NBAS: variants seen among roughly 807,000 people sequenced by gnomAD.
NBAS encodes the protein NAG/BC035112 fusion.
NBAS carries 219 observed loss-of-function variants against 302.5 expected under a neutral mutation model. That is an observed-to-expected ratio of 0.72 (90% CI 0.65 to 0.81). The LOEUF (loss-of-function observed/expected upper bound fraction) is 0.81. NBAS is among the 30% of genes least tolerant of loss of function. The pLI, the probability that NBAS is intolerant of heterozygous loss-of-function variation, is 0.00. For synonymous variants in NBAS, 1,118 were observed against 1,021.6 expected, an observed-to-expected ratio of 1.09 and a Z score of -1.80; for missense variants, 2,932 against 2,841.6, an observed-to-expected ratio of 1.03 and a Z score of -0.72.
the NBAS span, among the ~76,000 whole-genome samples, chr2:14,991,161 G>T: frequency 1.3e-5 from 2 of 152,124 alleles, no homozygotes; most frequent in African/African-American, 4.8e-5. Flanking sequence ...TAGAAGACAT[G>T]CAGGGTCCAA....
At position 15,218,762 on chromosome 2, in the gene NBAS, CA is replaced by C. The variant is rs1381943807; in HGVS notation, c.6432+10del. On this transcript the variant is annotated intron_variant, in intron 48 of 51. Coordinates refer to ENST00000281513, the MANE Select transcript of NBAS (RefSeq NM_015909.4). ...TTAGTAAGAAAAATAATCATTCAGA[CA>C]CTCCCTTACCTGTCTCTGGGGCCAG... The C allele has an allele frequency of 6.2e-7, 1 of 1,614,204 alleles. No individual in the cohort carries two copies. The highest frequency in any genetic ancestry group is 8.5e-7 in the Non-Finnish European group (1 of 1,180,008).
At chr2:15,254,408 A>G (rs1668493757) in intron 44 of NBAS, among the ~76,000 whole-genome samples, 2 of 152,166 alleles carry the variant, frequency 1.3e-5, no homozygotes, top group Admixed American at 6.5e-5. Context: ...CTTTACTGCA[A>G]AGCTGGGGTC....
chr2:15,546,321 G>A (rs931197297), intron 6 of NBAS, among the ~76,000 whole-genome samples: 4 of 151,936 alleles, frequency 2.6e-5, no homozygotes, highest in African/African-American at 9.7e-5. Context: ...TGTGTATTAT[G>A]TTTTCAATAG....
intron 26 of NBAS, among the ~76,000 whole-genome samples, chr2:15,399,321 T>A (rs565480258): frequency 1.3e-5 from 2 of 152,256 alleles, no homozygotes; most frequent in Admixed American, 1.3e-4. Flanking sequence ...ACTCCAGCTC[T>A]CGGAGGAACC....
chr2:15,316,939 C>A (rs971605140), intron 38 of NBAS, among the ~76,000 whole-genome samples: 1 of 152,182 alleles, frequency 6.6e-6, no homozygotes, highest in African/African-American at 2.4e-5. Context: ...GGTCCCTGAC[C>A]CCGTGTAGCC....
the NBAS span, among the ~76,000 whole-genome samples, chr2:14,835,892 T>C: frequency 6.4e-4 from 97 of 152,114 alleles, no homozygotes; most frequent in African/African-American, 2.1e-3. Flanking sequence ...AATGTCTAAG[T>C]ATATTCTAAA....
chr2:15,140,604 C>T, the NBAS span, among the ~76,000 whole-genome samples: 392 of 152,228 alleles, frequency 2.6e-3, 3 homozygotes, highest in African/African-American at 8.9e-3. Context: ...TAAAGGAATG[C>T]TATTCAAACA....
chr2:15,481,290 T>C (rs1225708614), intron 12 of NBAS, among the ~76,000 whole-genome samples: 1 of 152,216 alleles, frequency 6.6e-6, no homozygotes, highest in Non-Finnish European at 1.5e-5. Context: ...TATGAATATG[T>C]AGGTGCATGT....
At chr2:14,995,102 C>T in the NBAS span, among the ~76,000 whole-genome samples, 2 of 152,084 alleles carry the variant, frequency 1.3e-5, no homozygotes, top group East Asian at 3.9e-4. Context: ...GGTACATGTG[C>T]ACAACGTGCC....
the NBAS span, among the ~76,000 whole-genome samples, chr2:14,887,399 C>CGAAAAAAAAAAAAAA: frequency 1.2e-5 from 1 of 84,646 alleles, no homozygotes; most frequent in African/African-American, 4.5e-5. Context: ...TGAGACTCCT[C>CGAAAAAAAAAAAAAA]AAAAAAAAAA....
intron 6 of NBAS, among the ~76,000 whole-genome samples, chr2:15,547,350 A>G (rs1320922901): frequency 6.6e-6 from 1 of 152,234 alleles, no homozygotes. Context: ...GATGAGTCAG[A>G]TAACAAGCAA....
the NBAS span, among the ~76,000 whole-genome samples, chr2:15,039,779 C>T: frequency 2.0e-5 from 3 of 152,182 alleles, no homozygotes; most frequent in African/African-American, 2.4e-5. Flanking sequence ...CTTCCGGCAG[C>T]CTCTGAGGGC....
chr2:15,251,324 G>A (rs760993332), intron 44 of NBAS, among the ~76,000 whole-genome samples: 2 of 152,172 alleles, frequency 1.3e-5, no homozygotes, highest in Non-Finnish European at 2.9e-5. Flanking sequence ...GGGAGCTAGG[G>A]GAGGGATAGC....
intron 35 of NBAS, among the ~76,000 whole-genome samples, chr2:15,332,752 A>G (rs980832467): frequency 2.6e-5 from 4 of 152,250 alleles, no homozygotes; most frequent in Admixed American, 1.3e-4. Context: ...TTGAGTACCA[A>G]TAAAATACAG....
Position 15,467,650 on chromosome 2 carries a change from A to G in NBAS, c.2018+14T>C. On this transcript the variant is annotated intron_variant, in intron 18 of 51. Coordinates refer to ENST00000281513, the MANE Select transcript of NBAS (RefSeq NM_015909.4). ...TTAAAGAAACTATCAAATGAACAGT[A>G]ACAACTCATTTACTTGGAAAAGTTC... 6.2e-7 allele frequency: 1 copy of G among 1,607,396 alleles called. No homozygotes were observed. The highest frequency in any genetic ancestry group is 8.5e-7 in the Non-Finnish European group (1 of 1,174,330).
At chr2:15,500,392 G>C (rs1186465451) in intron 11 of NBAS, among the ~76,000 whole-genome samples, 1 of 151,000 alleles carries the variant, frequency 6.6e-6, no homozygotes, top group Non-Finnish European at 1.5e-5. Flanking sequence ...TAAATATTAG[G>C]TGCCAGGCAT....
the NBAS span, among the ~76,000 whole-genome samples, chr2:15,070,607 C>A: frequency 6.6e-6 from 1 of 152,144 alleles, no homozygotes; most frequent in African/African-American, 2.4e-5. Flanking sequence ...CCCCTAGCAA[C>A]ACTCATTCCC....
chr2:15,276,812 T>A, intron 43 of NBAS, 39 bp downstream of exon 43: 1 of 1,613,556 alleles, frequency 6.2e-7, no homozygotes, highest in Non-Finnish European at 8.5e-7. Context: ...CAGATTTAAT[T>A]GAAAAGAATG....
chr2:15,297,862 CTG>C (rs911191061), intron 40 of NBAS, among the ~76,000 whole-genome samples: 6 of 151,640 alleles, frequency 4.0e-5, no homozygotes, highest in African/African-American at 1.5e-4. Context: ...GTGCTTGTGT[CTG>C]TGTGTGTGTG....
Sources: gnomAD v4.1 joint callset for allele counts (sites outside exome capture counted in the v4.1 genomes callset) on GRCh38, gnomAD v4.1.1 for gene constraint, MANE v1.5 for transcripts, NCBI Gene and HGNC (gene_info 2026-07-23, HGNC 2026-07-21) for gene names.